Variants in PTPRD observed in about 807,000 individuals in gnomAD.
PTPRD encodes receptor-type tyrosine-protein phosphatase delta.
A neutral mutation model predicts 214.5 loss-of-function variants in PTPRD; 34 were observed. That is an observed-to-expected ratio of 0.16 (90% confidence interval 0.12 to 0.21). The LOEUF is 0.21. Ranked by LOEUF, PTPRD falls within the 10% of genes least tolerant of loss-of-function variation. The pLI, the probability that PTPRD is intolerant of heterozygous loss-of-function variation, is 1.00. For missense variants in PTPRD, 2,545 were observed against 2,398.7 expected (o/e 1.06, Z -1.27); for synonymous variants, 1,128 against 845.7 (o/e 1.33, Z -5.79).
At chr9:8,700,259 G>C (rs981309222) in intron 12 of PTPRD, among the ~76,000 whole-genome samples, 1 of 152,148 alleles carries the variant, frequency 6.6e-6, no homozygotes, top group African/African-American at 2.4e-5. Flanking sequence ...CAGTAAAAAT[G>C]CATCTAAATT....
intron 3 of PTPRD, among the ~76,000 whole-genome samples, chr9:10,060,177 T>TA (rs2097732212): frequency 6.6e-6 from 1 of 152,054 alleles, no homozygotes; most frequent in South Asian, 2.1e-4. Flanking sequence ...TTGATGATAA[T>TA]AACACATTTC....
chr9:10,179,136 T>C (rs900302998), intron 3 of PTPRD, among the ~76,000 whole-genome samples: 1 of 152,006 alleles, frequency 6.6e-6, no homozygotes, highest in Non-Finnish European at 1.5e-5. Flanking sequence ...ACCTAAAATA[T>C]AGAATGAGTT....
chr9:8,633,915 T>C (rs1287212270), intron 13 of PTPRD, among the ~76,000 whole-genome samples: 1 of 152,008 alleles, frequency 6.6e-6, no homozygotes, highest in African/African-American at 2.4e-5. Flanking sequence ...GTTTAAACTG[T>C]CTCATCCTGA....
chr9:8,679,500 A>C (rs896688713), intron 12 of PTPRD, among the ~76,000 whole-genome samples: 1 of 152,170 alleles, frequency 6.6e-6, no homozygotes, highest in African/African-American at 2.4e-5. Context: ...TGAAACTACA[A>C]TTTTACACAG....
intron 10 of PTPRD, among the ~76,000 whole-genome samples, chr9:9,062,074 C>G (rs754860767): frequency 1.3e-5 from 2 of 152,152 alleles, no homozygotes; most frequent in Non-Finnish European, 2.9e-5. Context: ...TAACCCCAAT[C>G]CCTTATGCTC....
At chr9:9,162,429 C>A (rs78243864) in intron 10 of PTPRD, among the ~76,000 whole-genome samples, 1 of 152,122 alleles carries the variant, frequency 6.6e-6, no homozygotes, top group Admixed American at 6.6e-5. Context: ...TGGGGGAAAA[C>A]TTTTGGACTT....
chr9:10,039,073 G>A (rs2097248703), intron 3 of PTPRD, among the ~76,000 whole-genome samples: 2 of 152,050 alleles, frequency 1.3e-5, no homozygotes, highest in Non-Finnish European at 2.9e-5. Context: ...TGAAAAAGAT[G>A]TACAGGCATG....
chr9:10,481,559 T>G (rs1036917929), intron 2 of PTPRD, among the ~76,000 whole-genome samples: 1 of 152,166 alleles, frequency 6.6e-6, no homozygotes, highest in Admixed American at 6.6e-5. Context: ...GTTATCAATG[T>G]CTCTTAGCCT....
At chr9:8,853,597 A>C (rs2097858554) in intron 11 of PTPRD, among the ~76,000 whole-genome samples, 1 of 152,190 alleles carries the variant, frequency 6.6e-6, no homozygotes, top group Admixed American at 6.5e-5. Context: ...ACAGAAGCTT[A>C]AACAAGTGAT....
chr9:8,474,982 T>C (rs935769980), intron 30 of PTPRD, among the ~76,000 whole-genome samples: 1 of 152,160 alleles, frequency 6.6e-6, no homozygotes, highest in Non-Finnish European at 1.5e-5. Context: ...TTTGATCCCA[T>C]CACTTAGGTT....
At chr9:9,293,465 A>G (rs899974497) in intron 9 of PTPRD, among the ~76,000 whole-genome samples, 2 of 149,994 alleles carry the variant, frequency 1.3e-5, no homozygotes, top group African/African-American at 4.9e-5. Flanking sequence ...TATCTTGTGT[A>G]GTTCCTGCTC....
intron 5 of PTPRD, among the ~76,000 whole-genome samples, chr9:9,887,232 A>T (rs964841670): frequency 2.0e-5 from 3 of 151,984 alleles, no homozygotes; most frequent in African/African-American, 7.3e-5. Flanking sequence ...ACTTCACCGT[A>T]TTTACCTTAT....
intron 11 of PTPRD, among the ~76,000 whole-genome samples, chr9:8,834,712 G>A (rs2097374358): frequency 1.3e-5 from 2 of 152,264 alleles, no homozygotes; most frequent in Non-Finnish European, 1.5e-5. Flanking sequence ...CCACACATCA[G>A]GAATTTAAAA....
At chr9:8,962,439 G>A (rs961543705) in intron 11 of PTPRD, among the ~76,000 whole-genome samples, 9 of 152,058 alleles carry the variant, frequency 5.9e-5, no homozygotes, top group African/African-American at 2.2e-4. Flanking sequence ...GTGGGAAGAT[G>A]GTACTTTGGA....
intron 9 of PTPRD, among the ~76,000 whole-genome samples, chr9:9,390,723 G>A (rs1028124470): frequency 6.6e-6 from 1 of 152,138 alleles, no homozygotes; most frequent in Non-Finnish European, 1.5e-5. Context: ...TTTTAAGGAG[G>A]ACAGCAGGCA....
At chr9:9,246,817 G>T (rs938673872) in intron 9 of PTPRD, among the ~76,000 whole-genome samples, 26 of 152,042 alleles carry the variant, frequency 1.7e-4, no homozygotes, top group African/African-American at 6.0e-4. Flanking sequence ...GAAACTTCAG[G>T]AAGTTTCCTG....
intron 10 of PTPRD, among the ~76,000 whole-genome samples, chr9:9,173,227 T>C (rs758386127): frequency 1.3e-5 from 2 of 152,286 alleles, no homozygotes; most frequent in South Asian, 2.1e-4. Context: ...AGTCACCTAC[T>C]CAGTTCAAAA....
chr9:8,778,460 C>T lies in PTPRD; in HGVS notation c.-103-44514G>A, dbSNP rs796365084. ...TCGCTACCTCTGGATAACAGAGCGACCGTGTCTGGACAGATTACTAGCTGC... is the reference window on the plus strand; with the variant it reads ...TCGCTACCTCTGGATAACAGAGCGATCGTGTCTGGACAGATTACTAGCTGC... On this transcript the variant is annotated intron_variant, in intron 11 of 45. Coordinates refer to ENST00000381196, the MANE Select transcript of PTPRD (RefSeq NM_002839.4). 2.4e-4 allele frequency among the ~76,000 whole-genome samples: 37 copies of T among 152,304 alleles called. 2 individuals carry two copies. Among genetic ancestry groups the T allele is most frequent in the African/African-American group, 8.9e-4 (37 of 41,560 alleles).
At chr9:8,636,944 T>C (rs377634019) in intron 12 of PTPRD, 100 bp from the exon 13 acceptor site, 3 of 1,176,358 alleles carry the variant, frequency 2.6e-6, no homozygotes, top group Admixed American at 4.6e-5. Context: ...CACACCGCCA[T>C]CAAGACATAC....
Sources: gnomAD v4.1 joint callset for allele counts (sites outside exome capture counted in the v4.1 genomes callset) on GRCh38, gnomAD v4.1.1 for gene constraint, MANE v1.5 for transcripts, NCBI Gene and HGNC (gene_info 2026-07-23, HGNC 2026-07-21) for gene names.